The following ATE1 variants were observed in gnomAD, a reference collection of about 807,000 sequenced individuals.
The protein encoded by ATE1 is arginyltransferase 1.
In ATE1, 36 loss-of-function variants were observed where a neutral mutation model predicts 70.5. The observed-to-expected ratio is 0.51, with a 90% CI of 0.39 to 0.67. The LOEUF (loss-of-function observed/expected upper bound fraction) is 0.67, where lower values mean the gene tolerates loss of function less well. ATE1 is among the 30% of genes least tolerant of loss of function. The pLI is 0.00. For synonymous variants in ATE1, 232 were observed against 219.3 expected (o/e 1.06, Z -0.51); for missense variants, 593 against 629.5 (o/e 0.94, Z 0.62).
intron 11 of ATE1, among the ~76,000 whole-genome samples, chr10:121,745,895 T>A (rs1462922894): frequency 6.6e-6 from 1 of 152,120 alleles, no homozygotes; most frequent in Non-Finnish European, 1.5e-5. Flanking sequence ...CAGAATGAAA[T>A]GTTATACACA....
chr10:121,859,132 A>G (rs1487434848), intron 8 of ATE1, among the ~76,000 whole-genome samples: 1 of 152,222 alleles, frequency 6.6e-6, no homozygotes, highest in African/African-American at 2.4e-5. Context: ...GATATGCAAG[A>G]AAATTGTGAA....
At chr10:121,835,653 G>T (rs889450718) in intron 10 of ATE1, among the ~76,000 whole-genome samples, 3 of 152,050 alleles carry the variant, frequency 2.0e-5, no homozygotes, top group African/African-American at 7.2e-5. Context: ...ATTTGGAAAC[G>T]CTGCTAATAC....
chr10:121,745,896 G>A (rs1944350609), intron 11 of ATE1, among the ~76,000 whole-genome samples: 2 of 152,122 alleles, frequency 1.3e-5, no homozygotes, highest in Admixed American at 6.6e-5. Flanking sequence ...AGAATGAAAT[G>A]TTATACACAA....
intron 11 of ATE1, among the ~76,000 whole-genome samples, chr10:121,745,445 A>ACG (rs1564802755): frequency 2.6e-5 from 4 of 152,184 alleles, no homozygotes; most frequent in Admixed American, 2.6e-4. Flanking sequence ...GGCGGGGTGC[A>ACG]GTGGCTCACG....
chr10:121,745,883 C>T (rs948883536), intron 11 of ATE1, among the ~76,000 whole-genome samples: 2 of 152,034 alleles, frequency 1.3e-5, no homozygotes, highest in African/African-American at 4.8e-5. Context: ...AAGGTATATC[C>T]ACAGAATGAA....
At chr10:121,924,209 G>A (rs1951990405) in intron 2 of ATE1, 57 bp downstream of exon 2, 10 of 1,519,694 alleles carry the variant, frequency 6.6e-6, no homozygotes, top group Non-Finnish European at 7.3e-6. Context: ...AAGGCATGCT[G>A]TATTTTTCAA....
chr10:121,908,178 G>C (rs566605490), intron 5 of ATE1, among the ~76,000 whole-genome samples: 5 of 152,212 alleles, frequency 3.3e-5, no homozygotes, highest in Admixed American at 3.3e-4. Context: ...ACGTTATTTT[G>C]AAAAATGATA....
intron 9 of ATE1, 96 bp from the exon 10 acceptor site, chr10:121,836,913 G>A: frequency 3.4e-5 from 25 of 737,950 alleles, no homozygotes; most frequent in South Asian, 1.1e-4. Flanking sequence ...GATAAAATCT[G>A]GTATTAAGCT....
intron 10 of ATE1, among the ~76,000 whole-genome samples, chr10:121,826,529 A>C (rs1948022756): frequency 1.3e-5 from 2 of 151,896 alleles, no homozygotes; most frequent in South Asian, 4.2e-4. Context: ...GATGGTCTCA[A>C]CTCTTGACCT....
rs758011917 is a variant in ATE1, at chr10:121,899,882, G to GT, written c.925dup (p.Thr309AsnfsTer23). On this transcript the variant is annotated frameshift_variant, in exon 7 of 12. Transcript: ENST00000224652. LOFTEE classifies it high-confidence loss of function. The stretch of plus-strand genomic sequence containing the variant: ...CCTGCTGACCTGGCTTTCGGTTGGC[G>GT]TATCAGGTGGGTTCTTGTGAATAAC... The GT allele has an allele frequency of 5.0e-6, 8 of 1,611,248 alleles. No individual in the cohort carries two copies. In the African/African-American group the frequency reaches 5.3e-5, roughly 11 times the overall value.
chr10:121,892,896 T>C (rs1036235595), intron 7 of ATE1, among the ~76,000 whole-genome samples: 6 of 152,212 alleles, frequency 3.9e-5, no homozygotes, highest in African/African-American at 7.2e-5. Context: ...TGACTGTGCA[T>C]ATGCCCCAGG....
At chr10:121,755,082 A>C (rs1944739795) in intron 11 of ATE1, among the ~76,000 whole-genome samples, 1 of 152,216 alleles carries the variant, frequency 6.6e-6, no homozygotes, top group African/African-American at 2.4e-5. Context: ...CACAACAATA[A>C]ATGTAACACA....
intron 11 of ATE1, among the ~76,000 whole-genome samples, chr10:121,768,890 GA>G (rs997798212): frequency 6.6e-6 from 1 of 151,470 alleles, no homozygotes; most frequent in Middle Eastern, 3.2e-3. Context: ...AACTGCTGAT[GA>G]AAAAAAATCA....
intron 7 of ATE1, among the ~76,000 whole-genome samples, chr10:121,882,908 G>A (rs1950269728): frequency 6.6e-6 from 1 of 152,060 alleles, no homozygotes; most frequent in African/African-American, 2.4e-5. Flanking sequence ...GTTATATAAA[G>A]CTAAACCTTA....
chr10:121,745,874 AG>A (rs528031188), intron 11 of ATE1, among the ~76,000 whole-genome samples: 97 of 152,322 alleles, frequency 6.4e-4, no homozygotes, highest in Admixed American at 3.8e-3. Context: ...TAAAGAGTTA[AG>A]GTATATCCAC....
intron 7 of ATE1, among the ~76,000 whole-genome samples, chr10:121,872,783 A>G (rs991320929): frequency 6.6e-6 from 1 of 152,072 alleles, no homozygotes; most frequent in Non-Finnish European, 1.5e-5. Flanking sequence ...TTGAAAAAAA[A>G]AAGACTACGG....
chr10:121,761,504 G>T (rs148450765), intron 11 of ATE1, among the ~76,000 whole-genome samples: 2 of 152,144 alleles, frequency 1.3e-5, no homozygotes, highest in East Asian at 3.9e-4. Flanking sequence ...GCACTTAATA[G>T]ACTACAGCAT....
intron 10 of ATE1, among the ~76,000 whole-genome samples, chr10:121,828,174 G>T (rs1192693465): frequency 2.0e-5 from 3 of 152,174 alleles, no homozygotes; most frequent in Non-Finnish European, 4.4e-5. Flanking sequence ...AAGTGACTTT[G>T]CCAAAACTCT....
At chr10:121,847,426 T>A (rs766005921) in intron 8 of ATE1, among the ~76,000 whole-genome samples, 3 of 128,914 alleles carry the variant, frequency 2.3e-5, no homozygotes, top group Non-Finnish European at 5.0e-5. Context: ...CCAGCCTGGG[T>A]AACAGAGCGA....
Sources: allele counts gnomAD v4.1 joint callset (sites outside exome capture counted in the v4.1 genomes callset), GRCh38; gene constraint gnomAD v4.1.1; transcripts MANE v1.5; gene names NCBI Gene and HGNC (gene_info 2026-07-23, HGNC 2026-07-21).